PPARGC1A: variants seen among roughly 807,000 people sequenced by gnomAD.
The protein encoded by PPARGC1A is PPARG coactivator 1 alpha.
A neutral mutation model predicts 88.7 loss-of-function variants in PPARGC1A; 25 were observed. That is an observed-to-expected ratio of 0.28 (90% CI 0.21 to 0.39). The LOEUF (loss-of-function observed/expected upper bound fraction) is 0.39. Ranked by LOEUF, PPARGC1A falls within the 10% of genes least tolerant of loss-of-function variation. The pLI, the probability that PPARGC1A is intolerant of heterozygous loss-of-function variation, is 1.00. For missense variants in PPARGC1A, 880 were observed against 968.7 expected (o/e 0.91, Z 1.22); for synonymous variants, 363 against 355.6 (o/e 1.02, Z -0.24).
the PPARGC1A span, among the ~76,000 whole-genome samples, chr4:24,179,609 C>T: frequency 6.6e-6 from 1 of 152,172 alleles, no homozygotes; most frequent in Admixed American, 6.5e-5. Flanking sequence ...GCCCCCAATA[C>T]AAAACTGCCT....
At chr4:24,133,755 T>G in the PPARGC1A span, among the ~76,000 whole-genome samples, 2 of 152,174 alleles carry the variant, frequency 1.3e-5, no homozygotes, top group African/African-American at 4.8e-5. Flanking sequence ...GGGGACATTA[T>G]TCAGCAACAG....
the PPARGC1A span, among the ~76,000 whole-genome samples, chr4:24,432,939 C>T: frequency 6.6e-6 from 1 of 152,120 alleles, no homozygotes; most frequent in Admixed American, 6.5e-5. Context: ...CTCTTTTTGC[C>T]CCATGGGTGT....
the PPARGC1A span, among the ~76,000 whole-genome samples, chr4:23,946,691 T>G: frequency 6.6e-6 from 1 of 152,066 alleles, no homozygotes; most frequent in Non-Finnish European, 1.5e-5. Flanking sequence ...TTGTTTGTTA[T>G]TTTTTATCTA....
chr4:24,027,635 A>C, the PPARGC1A span, among the ~76,000 whole-genome samples: 4 of 152,312 alleles, frequency 2.6e-5, no homozygotes, highest in Admixed American at 2.6e-4. Context: ...CAAGTATCTT[A>C]ACTACCTTGA....
chr4:24,025,578 T>G, the PPARGC1A span, among the ~76,000 whole-genome samples: 1 of 152,096 alleles, frequency 6.6e-6, no homozygotes, highest in African/African-American at 2.4e-5. Context: ...AATACTTATT[T>G]AGAGCTGCCT....
chr4:23,973,694 A>G, the PPARGC1A span, among the ~76,000 whole-genome samples: 1 of 152,160 alleles, frequency 6.6e-6, no homozygotes, highest in Non-Finnish European at 1.5e-5. Context: ...GGGACTATAA[A>G]CCAGTAGAAT....
the PPARGC1A span, among the ~76,000 whole-genome samples, chr4:24,138,872 C>T: frequency 6.6e-6 from 1 of 152,136 alleles, no homozygotes; most frequent in African/African-American, 2.4e-5. Flanking sequence ...GTCTATTAAA[C>T]TAGAGTATTG....
At chr4:24,100,933 T>C in the PPARGC1A span, among the ~76,000 whole-genome samples, 1 of 152,220 alleles carries the variant, frequency 6.6e-6, no homozygotes, top group Non-Finnish European at 1.5e-5. Flanking sequence ...AATTTACAGG[T>C]GCAGACCATG....
the PPARGC1A span, among the ~76,000 whole-genome samples, chr4:24,250,466 G>A: frequency 2.6e-5 from 4 of 152,174 alleles, no homozygotes; most frequent in African/African-American, 7.2e-5. Flanking sequence ...CTGAAAAACT[G>A]AAGGTAAATT....
At chr4:24,075,224 C>T in the PPARGC1A span, among the ~76,000 whole-genome samples, 1 of 152,136 alleles carries the variant, frequency 6.6e-6, no homozygotes. Flanking sequence ...ACGAAGTTGC[C>T]ACATGGGTTT....
chr4:24,171,186 C>A, the PPARGC1A span, among the ~76,000 whole-genome samples: 1 of 152,004 alleles, frequency 6.6e-6, no homozygotes, highest in Non-Finnish European at 1.5e-5. Context: ...CTGAGACCGG[C>A]GGATCGGTCA....
chr4:24,166,140 T>A, the PPARGC1A span, among the ~76,000 whole-genome samples: 13 of 152,224 alleles, frequency 8.5e-5, no homozygotes, highest in South Asian at 2.1e-3. Flanking sequence ...GTGGCCTAGA[T>A]AAAAGATTAA....
At chr4:24,398,104 A>C in the PPARGC1A span, among the ~76,000 whole-genome samples, 2 of 152,228 alleles carry the variant, frequency 1.3e-5, no homozygotes, top group Non-Finnish European at 2.9e-5. Context: ...GCAAATAAAT[A>C]AATCCAACTT....
chr4:24,179,408 T>G, the PPARGC1A span, among the ~76,000 whole-genome samples: 15 of 152,170 alleles, frequency 9.9e-5, 1 homozygote, highest in Non-Finnish European at 2.2e-4. Context: ...GGGACTTGCT[T>G]TGACCCATCC....
At chr4:23,934,412 A>AAT in the PPARGC1A span, among the ~76,000 whole-genome samples, 1 of 152,162 alleles carries the variant, frequency 6.6e-6, no homozygotes, top group Non-Finnish European at 1.5e-5. Flanking sequence ...AGTAGACAGC[A>AAT]TGGCATCCAA....
At chr4:23,909,793 C>T in the PPARGC1A span, among the ~76,000 whole-genome samples, 1 of 151,712 alleles carries the variant, frequency 6.6e-6, no homozygotes, top group Non-Finnish European at 1.5e-5. Context: ...CCTAGCTTGG[C>T]ATCTAGTAGA....
At chr4:23,907,859 T>C (rs984638651), upstream of PPARGC1A, among the ~76,000 whole-genome samples, 1 of 152,190 alleles carries the variant, frequency 6.6e-6, no homozygotes, top group African/African-American at 2.4e-5. Context: ...GAAGTGGGCG[T>C]TGGGACTCAG....
the PPARGC1A span, among the ~76,000 whole-genome samples, chr4:24,044,850 C>T: frequency 6.6e-6 from 1 of 152,222 alleles, no homozygotes; most frequent in African/African-American, 2.4e-5. Context: ...AGTCCTTAAA[C>T]CTCCTTGCAC....
At chr4:24,237,893 C>T in the PPARGC1A span, among the ~76,000 whole-genome samples, 1 of 152,182 alleles carries the variant, frequency 6.6e-6, no homozygotes, top group South Asian at 2.1e-4. Flanking sequence ...TTGCCACCCA[C>T]TTAGGAAGCT....
Sources: allele counts gnomAD v4.1 joint callset (sites outside exome capture counted in the v4.1 genomes callset), GRCh38; gene constraint gnomAD v4.1.1; transcripts MANE v1.5; gene names NCBI Gene and HGNC (gene_info 2026-07-23, HGNC 2026-07-21).